The following ARMH3 variants were observed in gnomAD, a reference collection of about 807,000 sequenced individuals.
ARMH3 encodes armadillo-like helical domain-containing protein 3.
A neutral mutation model predicts 99.1 loss-of-function variants in ARMH3; 60 were observed. The observed-to-expected ratio is 0.61, with a 90% confidence interval of 0.49 to 0.75. ARMH3 has a LOEUF of 0.75. Among genes scored for constraint, ARMH3 ranks in the 30% least tolerant of loss-of-function variants. The probability of loss-of-function intolerance (pLI) is 0.00; values close to 1 mark genes in which losing one functional copy is unlikely to be tolerated. For missense variants in ARMH3, 679 were observed against 843.1 expected (o/e 0.81, Z 2.41); for synonymous variants, 285 against 292.8 (o/e 0.97, Z 0.27).
At chr10:101,963,698 C>G (rs1005810885) in intron 20 of ARMH3, among the ~76,000 whole-genome samples, 2 of 152,030 alleles carry the variant, frequency 1.3e-5, no homozygotes, top group African/African-American at 4.8e-5. Context: ...CTCTTGGGTT[C>G]AAGCGATTCT....
intron 24 of ARMH3, among the ~76,000 whole-genome samples, chr10:101,883,052 T>C (rs1411779225): frequency 2.0e-5 from 3 of 152,208 alleles, no homozygotes; most frequent in African/African-American, 4.8e-5. Context: ...GGCAGACCTC[T>C]AGCACGTACG....
At chr10:102,006,491 A>G (rs781359738) in intron 14 of ARMH3, 49 bp downstream of exon 14, 1 of 1,560,140 alleles carries the variant, frequency 6.4e-7, no homozygotes, top group Non-Finnish European at 8.8e-7. Context: ...TCACTCTGAG[A>G]GATCTAAGAT....
intron 23 of ARMH3, among the ~76,000 whole-genome samples, chr10:101,918,713 T>C (rs1843185340): frequency 6.6e-6 from 1 of 152,182 alleles, no homozygotes; most frequent in South Asian, 2.1e-4. Flanking sequence ...TGGCAAGTAA[T>C]TAATCACAGA....
At chr10:101,963,143 A>AT (rs11455511) in intron 20 of ARMH3, among the ~76,000 whole-genome samples, 25,330 of 112,162 alleles carry the variant, frequency 0.23, 3,012 homozygotes, top group East Asian at 0.5. Flanking sequence ...ATAATTTTGC[A>AT]TTTTTTTTTT....
At chr10:102,054,639 T>C (rs1386287141) in intron 1 of ARMH3, among the ~76,000 whole-genome samples, 1 of 152,018 alleles carries the variant, frequency 6.6e-6, no homozygotes, top group Admixed American at 6.6e-5. Flanking sequence ...GGGACACAAA[T>C]CATATTTACC....
chr10:101,880,357 T>A (rs986920691), intron 24 of ARMH3, among the ~76,000 whole-genome samples: 4 of 152,178 alleles, frequency 2.6e-5, no homozygotes, highest in Non-Finnish European at 5.9e-5. Context: ...CTATTTGAGA[T>A]CCAAAGCTTC....
chr10:101,993,122 T>C (rs961893369), intron 17 of ARMH3, among the ~76,000 whole-genome samples: 1 of 151,500 alleles, frequency 6.6e-6, no homozygotes, highest in Admixed American at 6.6e-5. Context: ...AATACAAAAA[T>C]TAGCCGAGCG....
At chr10:102,038,932 A>C (rs1312760726) in intron 2 of ARMH3, among the ~76,000 whole-genome samples, 2 of 151,632 alleles carry the variant, frequency 1.3e-5, no homozygotes, top group Non-Finnish European at 2.9e-5. Context: ...TGTAGAGATG[A>C]GGTTTTGCCA....
chr10:101,914,631 C>T (rs1415161130), intron 23 of ARMH3, among the ~76,000 whole-genome samples: 2 of 150,318 alleles, frequency 1.3e-5, no homozygotes, highest in Non-Finnish European at 3.0e-5. Flanking sequence ...TTTGGGAGGC[C>T]GAGGCAGGTG....
rs772347120 is a variant in ARMH3, at chr10:101,889,391, C to T, written c.1860+21G>A. The T allele has an allele frequency of 1.8e-5, 28 of 1,596,600 alleles. No individual in the cohort carries two copies. The South Asian group carries it at 2.9e-4, about 16-fold the overall frequency. On this transcript the variant is annotated intron_variant, in intron 24 of 25. Coordinates refer to ENST00000370033, the MANE Select transcript of ARMH3 (RefSeq NM_024541.3). ...TGATCCTAGCCACCAACTAGGTCAT[C>T]TGGGGAAAGTAGTGGCTTACCTGCT... is the stretch of plus-strand genomic sequence containing the variant.
chr10:102,029,371 T>C (rs2067071631), intron 5 of ARMH3: 1 of 1,242,462 alleles, frequency 8.0e-7, no homozygotes, highest in Non-Finnish European at 1.1e-6. Flanking sequence ...TTCTTAAGAA[T>C]GTATGATCAT....
chr10:101,973,459 A>G (rs549234990), intron 20 of ARMH3, among the ~76,000 whole-genome samples: 15 of 152,302 alleles, frequency 9.8e-5, no homozygotes, highest in African/African-American at 2.6e-4. Flanking sequence ...AGTAAAATGC[A>G]TGACTATAAT....
At position 101,954,627 on chromosome 10, in the gene ARMH3, C is replaced by T. The variant is rs575877852; in HGVS notation, c.1705+1970G>A. ...ACACTACTATATAAATTTGTCAAAA[C>T]TCAAAACTGTACATTTAAAAGGGTG... On this transcript the variant is annotated intron_variant, in intron 22 of 25. Transcript: ENST00000370033. Among the ~76,000 whole-genome samples, 116 of 152,180 alleles carry T rather than the reference C, an allele frequency of 7.6e-4. 1 individual carries two copies. The highest frequency in any genetic ancestry group is 7.1e-3 in the Admixed American group (108 of 15,284).
chr10:101,996,616 AC>A (rs1181426840), intron 15 of ARMH3, among the ~76,000 whole-genome samples: 2 of 152,176 alleles, frequency 1.3e-5, no homozygotes, highest in Non-Finnish European at 2.9e-5. Context: ...ACAAACTGAT[AC>A]GCAACTCCCA....
At chr10:101,991,928 G>A (rs765917271) in intron 18 of ARMH3, 41 bp downstream of exon 18, 36 of 1,533,028 alleles carry the variant, frequency 2.3e-5, no homozygotes, top group Non-Finnish European at 3.2e-5. Context: ...AAAGCCTATC[G>A]CTGTCACAGA....
chr10:101,970,211 T>C (rs772873652), intron 20 of ARMH3, among the ~76,000 whole-genome samples: 2 of 152,192 alleles, frequency 1.3e-5, no homozygotes, highest in African/African-American at 2.4e-5. Context: ...CATCAAAGTT[T>C]CCATTTTTAC....
At chr10:102,002,928 T>G (rs2066396718) in intron 14 of ARMH3, among the ~76,000 whole-genome samples, 1 of 150,340 alleles carries the variant, frequency 6.7e-6, no homozygotes, top group Admixed American at 6.6e-5. Context: ...GCCACTGCAC[T>G]CCAGCCTGGG....
chr10:101,992,966 T>A (rs538077914), intron 17 of ARMH3, among the ~76,000 whole-genome samples: 1 of 152,154 alleles, frequency 6.6e-6, no homozygotes, highest in South Asian at 2.1e-4. Flanking sequence ...TGCTGAAACC[T>A]ATATTATTGA....
chr10:101,881,745 TA>T (rs2067425329), intron 24 of ARMH3, among the ~76,000 whole-genome samples: 2 of 152,174 alleles, frequency 1.3e-5, no homozygotes, highest in South Asian at 4.1e-4. Context: ...TGACATATTT[TA>T]AATCATCCAG....
Sources: allele counts gnomAD v4.1 joint callset (sites outside exome capture counted in the v4.1 genomes callset), GRCh38; gene constraint gnomAD v4.1.1; transcripts MANE v1.5; gene names NCBI Gene and HGNC (gene_info 2026-07-23, HGNC 2026-07-21).